RORA: variants seen among roughly 807,000 people sequenced by gnomAD.
The protein encoded by RORA is nuclear receptor ROR-alpha.
A neutral mutation model predicts 69.5 loss-of-function variants in RORA; 7 were observed. That is an observed-to-expected ratio of 0.10 (90% CI 0.06 to 0.19). RORA has a LOEUF of 0.19. Ranked by LOEUF, RORA falls within the 10% of genes least tolerant of loss-of-function variation. The probability of loss-of-function intolerance (pLI) is 1.00; values close to 1 mark genes in which losing one functional copy is unlikely to be tolerated. For missense variants in RORA, 457 were observed against 663.0 expected, an observed-to-expected ratio of 0.69 and a Z score of 3.41; for synonymous variants, 261 against 240.8, an observed-to-expected ratio of 1.08 and a Z score of -0.78.
intron 1 of RORA, among the ~76,000 whole-genome samples, chr15:60,683,755 C>T (rs1344864705): frequency 6.6e-6 from 1 of 151,954 alleles, no homozygotes; most frequent in African/African-American, 2.4e-5. Context: ...TTTAAATTGC[C>T]AATTAAACCC....
At chr15:60,577,630 T>A (rs2140472897) in intron 2 of RORA, among the ~76,000 whole-genome samples, 1 of 130,582 alleles carries the variant, frequency 7.7e-6, no homozygotes, top group African/African-American at 3.0e-5. Flanking sequence ...GGTGACAGAG[T>A]GAGACTCTGT....
intron 1 of RORA, among the ~76,000 whole-genome samples, chr15:60,754,918 G>C (rs1871858): frequency 0.065 from 9,862 of 151,540 alleles, 424 homozygotes; most frequent in Admixed American, 0.12. Context: ...TGCTCAGTCT[G>C]GAATGGATAT....
At chr15:61,122,113 G>T (rs2079109601) in intron 1 of RORA, among the ~76,000 whole-genome samples, 1 of 152,180 alleles carries the variant, frequency 6.6e-6, no homozygotes, top group Admixed American at 6.5e-5. Flanking sequence ...AGAGTAAACA[G>T]CATTTCCGGA....
intron 4 of RORA, among the ~76,000 whole-genome samples, chr15:60,512,960 G>A (rs2065750485): frequency 6.6e-6 from 1 of 152,198 alleles, no homozygotes. Context: ...TCTCCTAATT[G>A]ATTGTGGTTA....
At chr15:60,919,263 A>G (rs8033151) in intron 1 of RORA, among the ~76,000 whole-genome samples, 104,322 of 152,058 alleles carry the variant, frequency 0.69, 36,545 homozygotes, top group East Asian at 0.88. Flanking sequence ...TGCCTGGCAT[A>G]TGAAGAATAA....
At chr15:60,779,618 T>C (rs12324380) in intron 1 of RORA, among the ~76,000 whole-genome samples, 6,385 of 152,348 alleles carry the variant, frequency 0.042, 173 homozygotes, top group African/African-American at 0.059. Context: ...CCTTTCACTA[T>C]ATGAACCTGT....
chr15:60,999,271 G>A (rs1325261741), intron 1 of RORA, among the ~76,000 whole-genome samples: 1 of 152,098 alleles, frequency 6.6e-6, no homozygotes, highest in African/African-American at 2.4e-5. Context: ...ACGGAGCCCT[G>A]AAACACTGCT....
At chr15:60,782,669 G>A (rs573082406) in intron 1 of RORA, among the ~76,000 whole-genome samples, 2 of 152,086 alleles carry the variant, frequency 1.3e-5, no homozygotes, top group African/African-American at 2.4e-5. Flanking sequence ...AAAGTTTCCC[G>A]AAGACAACCC....
intron 2 of RORA, among the ~76,000 whole-genome samples, chr15:60,547,122 A>G (rs2086316286): frequency 1.3e-5 from 2 of 152,186 alleles, no homozygotes; most frequent in Non-Finnish European, 2.9e-5. Context: ...CATCCACTCT[A>G]TTAATGTTCT....
In RORA at chr15:61,061,742, C is replaced by A. The variant is rs369600422; in HGVS notation, c.166+167311G>T. Reference sequence around the variant, plus strand: ...CAGGGTGTTAAGCATCACTGCATCACCACTTTGCATATAGGAAGCACTCAA... The same window carrying A: ...CAGGGTGTTAAGCATCACTGCATCAACACTTTGCATATAGGAAGCACTCAA... On this transcript the variant is annotated intron_variant, in intron 1 of 10. Coordinates refer to ENST00000335670, the MANE Select transcript of RORA (RefSeq NM_134261.3). The surrounding 1 kb of genome is among the most constrained non-coding windows in gnomAD (Gnocchi z 4.4). 6.6e-5 allele frequency among the ~76,000 whole-genome samples: 10 copies of A among 152,118 alleles called. No individual in the cohort carries two copies. The South Asian group carries it at 8.3e-4, about 13-fold the overall frequency.
chr15:60,863,311 A>G (rs1204485615), intron 1 of RORA, among the ~76,000 whole-genome samples: 3 of 152,188 alleles, frequency 2.0e-5, no homozygotes, highest in Non-Finnish European at 4.4e-5. Context: ...TAACACTACA[A>G]TGTACACCAG....
At chr15:60,777,648 A>G (rs894879557) in intron 1 of RORA, among the ~76,000 whole-genome samples, 36 of 152,186 alleles carry the variant, frequency 2.4e-4, no homozygotes, top group African/African-American at 7.7e-4. Context: ...TTACACCTTC[A>G]TTTTAACATC....
rs562231112 is a variant in RORA, at chr15:60,783,558, A to G, written c.167-104872T>C. 8.7e-4 allele frequency among the ~76,000 whole-genome samples: 133 copies of G among 152,342 alleles called. 3 individuals are homozygous for G. The South Asian group carries it at 0.027, about 30-fold the overall frequency. On this transcript the variant is annotated intron_variant, in intron 1 of 10. Transcript: ENST00000335670. ...ATTTTGAAAATGAAAATAATGAAAT[A>G]CAGAGGGTCACCAAGATCACGCTGG...
chr15:60,503,673 A>G lies in RORA; in HGVS notation c.943-6T>C. On this transcript the variant is annotated splice_polypyrimidine_tract_variant and splice_region_variant and intron_variant, in intron 6 of 10. Transcript: ENST00000335670. ...TGCCACATCACCTCCCGCTGCTGTT[A>G]AAGAGGGAAACACATTAACATCCTC... The G allele has an allele frequency of 6.2e-7, 1 of 1,613,508 alleles. No homozygotes were observed. Among genetic ancestry groups the G allele is most frequent in the East Asian group, 2.2e-5 (1 of 44,878 alleles).
intron 1 of RORA, among the ~76,000 whole-genome samples, chr15:60,902,795 C>A (rs901302948): frequency 4.6e-5 from 7 of 152,058 alleles, no homozygotes; most frequent in Admixed American, 2.6e-4. Flanking sequence ...GAAAGAGGCA[C>A]ACAATCAGCT....
rs548170307 is a variant in RORA, at chr15:61,140,523, G to A, written c.166+88530C>T. Among the ~76,000 whole-genome samples, 5 of 152,190 alleles carry A rather than the reference G, an allele frequency of 3.3e-5. No homozygotes were observed. In the South Asian group the frequency reaches 8.3e-4, roughly 25 times the overall value. On this transcript the variant is annotated intron_variant, in intron 1 of 10. Transcript: ENST00000335670. ...TGCTTGAACTCCAAAACAATGCCCC[G>A]ATCCAGAGCAATGGAACCAGGGAAG...
intron 1 of RORA, among the ~76,000 whole-genome samples, chr15:61,103,726 G>A (rs1437345596): frequency 1.3e-5 from 2 of 152,140 alleles, no homozygotes; most frequent in African/African-American, 4.8e-5. Flanking sequence ...TCCAGATATG[G>A]CAGCCAGCAG....
At chr15:61,194,886 A>G (rs1043137477) in intron 1 of RORA, among the ~76,000 whole-genome samples, 2 of 152,106 alleles carry the variant, frequency 1.3e-5, no homozygotes, top group South Asian at 2.1e-4. Context: ...CTTGTAATAT[A>G]GAGATAATTG....
chr15:60,661,639 A>G (rs2070306373), intron 2 of RORA, among the ~76,000 whole-genome samples: 1 of 152,220 alleles, frequency 6.6e-6, no homozygotes, highest in Non-Finnish European at 1.5e-5. Flanking sequence ...TAACTTCACT[A>G]TCAACCTGAA....
Sources: gnomAD v4.1 joint callset for allele counts (sites outside exome capture counted in the v4.1 genomes callset) on GRCh38, gnomAD v4.1.1 for gene constraint, Gnocchi (gnomAD v3.1) non-coding constraint, MANE v1.5 for transcripts, NCBI Gene and HGNC (gene_info 2026-07-23, HGNC 2026-07-21) for gene names.